Variants in WASHC3 observed in about 807,000 individuals in gnomAD.
WASHC3 encodes WASH complex subunit 3.
In WASHC3, 24 loss-of-function variants were observed where a neutral mutation model predicts 26.1. The observed-to-expected ratio is 0.92, with a 90% confidence interval of 0.66 to 1.29. The LOEUF is 1.29. WASHC3 is among the 50% of genes most tolerant of loss of function. The pLI is 0.00. For synonymous variants in WASHC3, 77 were observed against 75.7 expected, an observed-to-expected ratio of 1.02 and a Z score of -0.09; for missense variants, 214 against 229.6, an observed-to-expected ratio of 0.93 and a Z score of 0.44.
intron 5 of WASHC3, among the ~76,000 whole-genome samples, chr12:102,030,402 C>T (rs564451082): frequency 1.3e-5 from 2 of 151,750 alleles, no homozygotes; most frequent in South Asian, 2.1e-4. Context: ...TTATTGTTCA[C>T]TGAACAAATC....
intron 2 of WASHC3, among the ~76,000 whole-genome samples, chr12:102,047,644 A>C (rs1333518970): frequency 6.6e-6 from 1 of 152,218 alleles, no homozygotes; most frequent in African/African-American, 2.4e-5. Flanking sequence ...TAGAGAAAAA[A>C]TTCCACAGCA....
chr12:102,061,818 G>T lies in WASHC3; in HGVS notation c.51+94C>A, dbSNP rs539838944. The T allele has an allele frequency of 3.2e-5, 35 of 1,095,222 alleles. No individual in the cohort carries two copies. The South Asian group carries it at 4.3e-4, about 13-fold the overall frequency. 67.8% of individuals were successfully genotyped at this position (1,095,222 alleles called of 1,614,324 possible). On this transcript the variant is annotated intron_variant, in intron 1 of 6. Transcript: ENST00000240079. ...CACAAGGGCCCGAGGCCGTGACAGGGTGGGGACTCGGAAGGTGGGTGTCTC... is the reference window on the plus strand; with the variant it reads ...CACAAGGGCCCGAGGCCGTGACAGGTTGGGGACTCGGAAGGTGGGTGTCTC...
chr12:102,049,489 G>C (rs1878302620), intron 2 of WASHC3, among the ~76,000 whole-genome samples: 1 of 152,030 alleles, frequency 6.6e-6, no homozygotes, highest in Admixed American at 6.6e-5. Context: ...CAAAGTCCCT[G>C]ATATTTGTCA....
chr12:102,040,260 A>G (rs1184831374), intron 4 of WASHC3: 1 of 177,218 alleles, frequency 5.6e-6, no homozygotes, highest in African/African-American at 2.4e-5. Context: ...ACTTGTCCCC[A>G]GAGTGCTGAT....
intron 2 of WASHC3, among the ~76,000 whole-genome samples, chr12:102,056,111 TAATC>T (rs1878583042): frequency 6.6e-6 from 1 of 152,250 alleles, no homozygotes; most frequent in Non-Finnish European, 1.5e-5. Context: ...GGTCATTTAA[TAATC>T]CCATTGTTTT....
chr12:102,013,982 C>A (rs1876590177), intron 6 of WASHC3, among the ~76,000 whole-genome samples: 1 of 150,918 alleles, frequency 6.6e-6, no homozygotes, highest in Non-Finnish European at 1.5e-5. Flanking sequence ...CACTTAGCCT[C>A]TATTCACTCT....
chr12:102,016,403 C>A (rs1876704211), intron 6 of WASHC3, among the ~76,000 whole-genome samples: 1 of 151,786 alleles, frequency 6.6e-6, no homozygotes, highest in Non-Finnish European at 1.5e-5. Flanking sequence ...TGGGGTTTCT[C>A]CATGTTGGCC....
intron 6 of WASHC3, chr12:102,019,319 G>T: frequency 3.1e-6 from 1 of 318,782 alleles, no homozygotes. Context: ...TATTTTCAAG[G>T]GGAACAGAAA....
At chr12:102,026,095 C>T in intron 5 of WASHC3, 57 bp from the exon 6 acceptor site, 1 of 926,124 alleles carries the variant, frequency 1.1e-6, no homozygotes, top group East Asian at 2.7e-5. Flanking sequence ...TATATGTCGA[C>T]ACATACCATC....
At position 102,061,273 on chromosome 12, in the gene WASHC3, T is replaced by C. The variant is rs777700170; in HGVS notation, c.125A>G (p.Asn42Ser). 3 of 1,613,632 alleles carry C rather than the reference T, an allele frequency of 1.9e-6. No individual in the cohort carries two copies. Among genetic ancestry groups the C allele is most frequent in the Non-Finnish European group, 1.7e-6 (2 of 1,179,672 alleles). ...QFVVHTVQFL[N>S]RFSTVCEEKL... ...CTCCTCACAAACTGTAGAAAAGCGG[T>C]TGAGGAACTGTACAGTGTGCACCAC... Residue 42 changes from asparagine (N) to serine (S), a missense_variant, in exon 2 of 7, where the codon AAC becomes AGC. Physicochemically the swap from Asn to Ser is conservative, Grantham distance 46. Coordinates refer to ENST00000240079, the MANE Select transcript of WASHC3 (RefSeq NM_016053.4).
chr12:102,012,851 TTCTA>T lies in WASHC3; in HGVS notation c.*253_*256del, dbSNP rs1269811203. The T allele has an allele frequency of 5.6e-5, 15 of 269,966 alleles. No homozygotes were observed. The Admixed American group carries it at 7.4e-4, about 13-fold the overall frequency. 16.7% of individuals were successfully genotyped at this position (269,966 alleles called of 1,614,324 possible). A position where few individuals can be genotyped will look rare whatever the true frequency, so the allele number is the denominator to read the frequency against. ...AATTGCTCATTGCATCTCTAAAATA[TTCTA>T]TCTTAGTATTTGTAGCACTAATTGT... On this transcript the variant is annotated 3_prime_UTR_variant, in exon 7 of 7. Coordinates refer to ENST00000240079, the MANE Select transcript of WASHC3 (RefSeq NM_016053.4).
chr12:102,031,149 C>T (rs996023846), intron 5 of WASHC3, among the ~76,000 whole-genome samples: 1 of 152,116 alleles, frequency 6.6e-6, no homozygotes, highest in Admixed American at 6.5e-5. Flanking sequence ...TCTTTAGAGG[C>T]CAGTTCACTG....
At chr12:102,045,894 TC>T (rs1878140700) in intron 3 of WASHC3, among the ~76,000 whole-genome samples, 159 bp downstream of exon 3, 1 of 152,254 alleles carries the variant, frequency 6.6e-6, no homozygotes, top group Admixed American at 6.5e-5. Flanking sequence ...AACACCATTT[TC>T]TTTGCAACTG....
At chr12:102,014,073 ATC>A (rs1349451696) in intron 6 of WASHC3, among the ~76,000 whole-genome samples, 3 of 134,594 alleles carry the variant, frequency 2.2e-5, no homozygotes, top group Admixed American at 1.6e-4. Flanking sequence ...TAACTGCTAC[ATC>A]TTTTTTTTTT....
chr12:102,039,824 C>G (rs1005305477), intron 5 of WASHC3, 44 bp downstream of exon 5: 5 of 895,098 alleles, frequency 5.6e-6, no homozygotes, highest in Admixed American at 3.6e-5. Flanking sequence ...TTAAGAATTT[C>G]AAGTGAGGCT....
intron 5 of WASHC3, among the ~76,000 whole-genome samples, chr12:102,038,009 G>A (rs1162639976): frequency 6.6e-6 from 1 of 152,014 alleles, no homozygotes; most frequent in Non-Finnish European, 1.5e-5. Context: ...TGGTCAGGTT[G>A]GTCTCAAACT....
chr12:102,013,311 C>T, intron 6 of WASHC3, 119 bp from the exon 7 acceptor site: 1 of 619,750 alleles, frequency 1.6e-6, no homozygotes, highest in Non-Finnish European at 2.9e-6. Flanking sequence ...AGTCCGTGTC[C>T]TCAGTCTCCT....
At chr12:102,023,238 A>G (rs932494621) in intron 6 of WASHC3, among the ~76,000 whole-genome samples, 5 of 152,080 alleles carry the variant, frequency 3.3e-5, no homozygotes, top group Non-Finnish European at 7.4e-5. Flanking sequence ...TCAGCTTCCA[A>G]TTTTATACAC....
At chr12:102,042,005 T>A (rs1174593482) in intron 4 of WASHC3, among the ~76,000 whole-genome samples, 1 of 152,106 alleles carries the variant, frequency 6.6e-6, no homozygotes, top group Non-Finnish European at 1.5e-5. Flanking sequence ...ATATTATAGA[T>A]GGCATTCATA....
Sources: allele counts gnomAD v4.1 joint callset (sites outside exome capture counted in the v4.1 genomes callset), GRCh38; gene constraint gnomAD v4.1.1; transcripts MANE v1.5; gene names NCBI Gene and HGNC (gene_info 2026-07-23, HGNC 2026-07-21).